The following ATCAY variants were observed in gnomAD, a reference collection of about 807,000 sequenced individuals.
The protein encoded by ATCAY is ATCAY kinesin light chain interacting caytaxin.
Under a neutral mutation model 47.7 loss-of-function variants are expected in ATCAY, and 22 were observed. That is an observed-to-expected ratio of 0.46 (90% confidence interval 0.33 to 0.66). The LOEUF is 0.66. ATCAY is among the 30% of genes least tolerant of loss of function. The pLI is 0.02. For synonymous variants in ATCAY, 216 were observed against 207.6 expected (o/e 1.04, Z -0.35); for missense variants, 452 against 515.0 (o/e 0.88, Z 1.18).
chr19:3,895,027 C>G (rs1054801532), intron 2 of ATCAY: 1 of 411,630 alleles, frequency 2.4e-6, no homozygotes, highest in African/African-American at 2.1e-5. Context: ...TTCTCTCTCT[C>G]TCCTCTCCTT....
chr19:3,909,524 A>G lies in ATCAY; in HGVS notation c.686A>G (p.Asp229Gly), dbSNP rs1221813813. Residue 229 changes from aspartate (D) to glycine (G), a missense_variant, in exon 7 of 13, where the codon GAC (aspartate) becomes GGC (glycine). Transcript: ENST00000450849. ...ISSLELLVAEDYMIVYLNGAT... is the reference protein window; with the variant it reads ...ISSLELLVAEGYMIVYLNGAT... The stretch of plus-strand genomic sequence containing the variant: ...AGCTTAGAGCTCCTGGTGGCTGAGG[A>G]CTACATGATCGTGTACCTGAACGGT... The G allele has an allele frequency of 6.2e-7, 1 of 1,613,818 alleles. No homozygotes were observed. Among genetic ancestry groups the G allele is most frequent in the Admixed American group, 1.7e-5 (1 of 60,002 alleles).
intron 11 of ATCAY, 105 bp from the exon 12 acceptor site, chr19:3,920,661 A>G (rs2039009548): frequency 2.0e-6 from 2 of 1,002,046 alleles, no homozygotes; most frequent in South Asian, 2.2e-5. Context: ...GTATCTTAAT[A>G]ATAATAAATA....
intron 9 of ATCAY, 132 bp from the exon 10 acceptor site, chr19:3,917,610 A>AAAAG (rs368009492): frequency 1.2e-4 from 62 of 501,892 alleles, no homozygotes; most frequent in African/African-American, 2.1e-4. Flanking sequence ...AAAAAAAAAA[A>AAAAG]GGAAGAAGAA....
intron 9 of ATCAY, 121 bp from the exon 10 acceptor site, chr19:3,917,614 AGAAGAAG>A: frequency 1.4e-6 from 1 of 705,442 alleles, no homozygotes; most frequent in Non-Finnish European, 2.2e-6. Context: ...AAAAAAAGGA[AGAAGAAG>A]AAGAAGAAAA....
chr19:3,909,680 T>C lies in ATCAY; in HGVS notation c.779+63T>C, dbSNP rs954838730. On this transcript the variant is annotated intron_variant, in intron 7 of 12. Coordinates refer to ENST00000450849, the MANE Select transcript of ATCAY (RefSeq NM_033064.5). Reference sequence around the variant, plus strand: ...TGAAAATCACACAGGGGGCTGGACATGGTGGCTCACACCTGGAATCCCAGC... The same window carrying C: ...TGAAAATCACACAGGGGGCTGGACACGGTGGCTCACACCTGGAATCCCAGC... 2.6e-6 allele frequency: 4 copies of C among 1,540,382 alleles called. No homozygotes were observed. In the African/African-American group the frequency reaches 5.5e-5, roughly 21 times the overall value.
At chr19:3,922,481 C>G (rs1450399353) in intron 12 of ATCAY, among the ~76,000 whole-genome samples, 1 of 152,146 alleles carries the variant, frequency 6.6e-6, no homozygotes, top group Admixed American at 6.5e-5. Flanking sequence ...GTAGCCGCCC[C>G]CATGGTTCAG....
chr19:3,906,140 C>T (rs1260752291), intron 4 of ATCAY, among the ~76,000 whole-genome samples: 1 of 147,184 alleles, frequency 6.8e-6, no homozygotes, highest in African/African-American at 2.5e-5. Context: ...CACTGCACTC[C>T]AGCCTGGGCG....
At chr19:3,917,799 C>G in intron 10 of ATCAY, 22 bp downstream of exon 10, 7 of 1,606,940 alleles carry the variant, frequency 4.4e-6, no homozygotes, top group Non-Finnish European at 5.9e-6. Context: ...GTGGTTTCTG[C>G]TGGGGCTGGG....
intron 6 of ATCAY, among the ~76,000 whole-genome samples, chr19:3,908,773 C>T (rs1384802477): frequency 9.8e-6 from 1 of 102,562 alleles, no homozygotes; most frequent in Non-Finnish European, 2.0e-5. Context: ...CCTCCTCCCC[C>T]CTCTTCCTTC....
intron 3 of ATCAY, 59 bp from the exon 4 acceptor site, chr19:3,905,375 G>A: frequency 6.8e-7 from 1 of 1,469,972 alleles, no homozygotes; most frequent in South Asian, 1.3e-5. Flanking sequence ...GTAGGAAAAT[G>A]GGGGGAAGGT....
chr19:3,904,140 G>A (rs184820854), intron 3 of ATCAY, among the ~76,000 whole-genome samples: 187 of 152,174 alleles, frequency 1.2e-3, no homozygotes, highest in African/African-American at 4.3e-3. Flanking sequence ...GTGACAAGGC[G>A]AGACTCTGTC....
In ATCAY at chr19:3,925,531, G is replaced by A. The variant is rs886054419; in HGVS notation, c.*939G>A. ...CGTTTGAGTGTTTCAGAAGTCATTC[G>A]GGAAGATAAATCCAGTGCGCTGGCC... On this transcript the variant is annotated 3_prime_UTR_variant, in exon 13 of 13. Transcript: ENST00000450849. This position sits in a 1 kb window ranked among gnomAD's most constrained non-coding sequence, Gnocchi z 4.4. 3.3e-5 allele frequency: 5 copies of A among 152,332 alleles called. No homozygotes were observed. The highest frequency in any genetic ancestry group is 4.8e-5 in the African/African-American group (2 of 41,572). 9.4% of individuals were successfully genotyped at this position (152,332 alleles called of 1,614,324 possible).
intron 1 of ATCAY, among the ~76,000 whole-genome samples, chr19:3,882,264 A>T (rs1015640211): frequency 4.6e-5 from 7 of 152,044 alleles, no homozygotes; most frequent in Non-Finnish European, 7.4e-5. Context: ...TGCTCAGGCG[A>T]TCCTCGCAAA....
Position 3,908,376 on chromosome 19 carries a change from TC to T in ATCAY, c.647+10del. On this transcript the variant is annotated splice_region_variant and intron_variant, in intron 6 of 12. Coordinates refer to ENST00000450849, the MANE Select transcript of ATCAY (RefSeq NM_033064.5). ...ATCATGGAGAACCTCTTCCTGTGAGTCCCCGCCCGCGGCGAGCAGCCTCGGG... is the reference window on the plus strand; with the variant it reads ...ATCATGGAGAACCTCTTCCTGTGAGTCCCGCCCGCGGCGAGCAGCCTCGGG... 6.3e-7 allele frequency: 1 copy of T among 1,578,678 alleles called. No homozygotes were observed. The highest frequency in any genetic ancestry group is 8.6e-7 in the Non-Finnish European group (1 of 1,162,002).
At chr19:3,890,725 A>C (rs1162562234) in intron 2 of ATCAY, among the ~76,000 whole-genome samples, 1 of 152,114 alleles carries the variant, frequency 6.6e-6, no homozygotes, top group African/African-American at 2.4e-5. Flanking sequence ...TACAGCTGCA[A>C]GGCTTCTCGC....
rs2039082452 is a variant in ATCAY, at chr19:3,927,952, C to G, written c.*3360C>G. On this transcript the variant is annotated 3_prime_UTR_variant, in exon 13 of 13. Transcript: ENST00000450849. ...AAGTCCTGGTCAGCAGCCCATCCTT[C>G]CAACGATGAGTTTTGCGGTTTTTCA... 1 of 152,242 alleles carries G rather than the reference C, an allele frequency of 6.6e-6. No homozygotes were observed. The highest frequency in any genetic ancestry group is 1.5e-5 in the Non-Finnish European group (1 of 68,050). 9.4% of individuals were successfully genotyped at this position (152,242 alleles called of 1,614,324 possible).
chr19:3,897,918 T>C lies in ATCAY; in HGVS notation c.78-4569T>C, dbSNP rs369161000. Among the ~76,000 whole-genome samples the C allele has an allele frequency of 6.6e-5, 10 of 152,018 alleles. 1 individual carries two copies. The highest frequency in any genetic ancestry group is 3.9e-4 in the East Asian group (2 of 5,138). On this transcript the variant is annotated intron_variant, in intron 2 of 12. Coordinates refer to ENST00000450849, the MANE Select transcript of ATCAY (RefSeq NM_033064.5). ...GTGAAACTCCGTCTCAAAAATTAAA[T>C]AAGTAAAATAAAATTTAAAAAATAT...
chr19:3,918,384 CAAA>C (rs59895158), intron 10 of ATCAY, among the ~76,000 whole-genome samples: 15 of 140,768 alleles, frequency 1.1e-4, no homozygotes, highest in Admixed American at 2.2e-4. Context: ...GACTCTGTCT[CAAA>C]AAAAAAAAAA....
At chr19:3,886,695 A>T (rs2038659501) in intron 2 of ATCAY, among the ~76,000 whole-genome samples, 2 of 148,872 alleles carry the variant, frequency 1.3e-5, no homozygotes. Context: ...TTTAGGAGAC[A>T]CTTACCTCCC....
Sources: allele counts gnomAD v4.1 joint callset (sites outside exome capture counted in the v4.1 genomes callset), GRCh38; gene constraint gnomAD v4.1.1; non-coding constraint Gnocchi (gnomAD v3.1); transcripts MANE v1.5; gene names NCBI Gene and HGNC (gene_info 2026-07-23, HGNC 2026-07-21).